SLC41A2: variants seen among roughly 807,000 people sequenced by gnomAD.
The protein encoded by SLC41A2 is SLC41A1-like 1.
A neutral mutation model predicts 58.3 loss-of-function variants in SLC41A2; 32 were observed. That is an observed-to-expected ratio of 0.55 (90% CI 0.41 to 0.74). The LOEUF (loss-of-function observed/expected upper bound fraction) is 0.74, where lower values mean the gene tolerates loss of function less well. SLC41A2 is among the 30% of genes least tolerant of loss of function. The pLI is 0.00. For synonymous variants in SLC41A2, 190 were observed against 235.0 expected (o/e 0.81, Z 1.75); for missense variants, 514 against 680.6 (o/e 0.76, Z 2.72).
chr12:104,951,051 T>C (rs888435987), intron 1 of SLC41A2, among the ~76,000 whole-genome samples: 1 of 152,230 alleles, frequency 6.6e-6, no homozygotes, highest in African/African-American at 2.4e-5. Context: ...TACTTTTTAA[T>C]TTAAAAAGTA....
At chr12:104,895,227 A>AAATCTGTAT in intron 4 of SLC41A2, 47 bp downstream of exon 4, 1 of 1,423,286 alleles carries the variant, frequency 7.0e-7, no homozygotes, top group Non-Finnish European at 9.9e-7. Flanking sequence ...GATTACAGTC[A>AAATCTGTAT]AAATTTGTAC....
intron 2 of SLC41A2, among the ~76,000 whole-genome samples, chr12:104,918,148 A>C (rs898909207): frequency 6.6e-6 from 1 of 151,896 alleles, no homozygotes; most frequent in South Asian, 2.1e-4. Flanking sequence ...TGGAAAATAC[A>C]CTTTTGCTAA....
At chr12:104,807,698 C>A (rs2040975340) in intron 10 of SLC41A2, among the ~76,000 whole-genome samples, 1 of 152,192 alleles carries the variant, frequency 6.6e-6, no homozygotes, top group Non-Finnish European at 1.5e-5. Flanking sequence ...TGCCCATGAG[C>A]ATGGAATGTT....
chr12:104,918,844 A>G (rs1256716314), intron 2 of SLC41A2, among the ~76,000 whole-genome samples: 1 of 152,126 alleles, frequency 6.6e-6, no homozygotes, highest in Non-Finnish European at 1.5e-5. Context: ...TAATACAGAG[A>G]GATCCCATGT....
chr12:104,810,069 G>C (rs1209838110), intron 10 of SLC41A2, among the ~76,000 whole-genome samples: 1 of 152,176 alleles, frequency 6.6e-6, no homozygotes, highest in African/African-American at 2.4e-5. Flanking sequence ...TTTGTCCTGG[G>C]CAAGGAGGGT....
At chr12:104,845,468 C>T (rs2136335107) in intron 9 of SLC41A2, among the ~76,000 whole-genome samples, 1 of 152,216 alleles carries the variant, frequency 6.6e-6, no homozygotes, top group Admixed American at 6.5e-5. Flanking sequence ...TCGAGTTTAT[C>T]CCTTCTCAAC....
At chr12:104,831,165 A>G (rs2042021242) in intron 10 of SLC41A2, among the ~76,000 whole-genome samples, 1 of 152,182 alleles carries the variant, frequency 6.6e-6, no homozygotes, top group African/African-American at 2.4e-5. Flanking sequence ...TCAGCCTCCT[A>G]AAATGCTGAG....
intron 1 of SLC41A2, among the ~76,000 whole-genome samples, chr12:104,950,166 A>C (rs931555974): frequency 6.6e-6 from 1 of 152,166 alleles, no homozygotes; most frequent in African/African-American, 2.4e-5. Flanking sequence ...CATTTATTTT[A>C]ATTTTGAGAC....
intron 6 of SLC41A2, 131 bp downstream of exon 6, chr12:104,886,162 G>T: frequency 1.1e-6 from 1 of 892,866 alleles, no homozygotes; most frequent in Non-Finnish European, 1.6e-6. Flanking sequence ...ACAAATGATA[G>T]TTATCCTAAT....
chr12:104,806,061 TTTTAC>T (rs2040882840), intron 10 of SLC41A2, among the ~76,000 whole-genome samples: 1 of 151,896 alleles, frequency 6.6e-6, no homozygotes, highest in Non-Finnish European at 1.5e-5. Context: ...ATTTATTTAT[TTTTAC>T]TTTATTTTTT....
chr12:104,911,323 C>T (rs1353381571), intron 2 of SLC41A2, among the ~76,000 whole-genome samples: 2 of 152,028 alleles, frequency 1.3e-5, no homozygotes, highest in African/African-American at 2.4e-5. Flanking sequence ...GGTCATGATC[C>T]GTAACTTTGG....
In SLC41A2 at chr12:104,926,390, C is replaced by G. The variant is rs141286106; in HGVS notation, c.555+1583G>C. 2.5e-3 allele frequency among the ~76,000 whole-genome samples: 378 copies of G among 152,172 alleles called. 2 individuals are homozygous for G. The highest frequency in any genetic ancestry group is 3.3e-3 in the Non-Finnish European group (221 of 67,994). On this transcript the variant is annotated intron_variant, in intron 2 of 10. Transcript: ENST00000258538. ...CAGAGGCAGGCGGATCACTTGAGGTCAGGAGATTGAGACCAGCCTAACCAA... is the reference window on the plus strand; with the variant it reads ...CAGAGGCAGGCGGATCACTTGAGGTGAGGAGATTGAGACCAGCCTAACCAA...
intron 1 of SLC41A2, among the ~76,000 whole-genome samples, chr12:104,930,145 A>G (rs1300111031): frequency 6.6e-6 from 1 of 152,144 alleles, no homozygotes; most frequent in Admixed American, 6.5e-5. Flanking sequence ...AGGCCCATAA[A>G]TCTTTTTTAT....
intron 10 of SLC41A2, among the ~76,000 whole-genome samples, chr12:104,813,517 TAAC>T (rs2041263616): frequency 6.6e-6 from 1 of 152,068 alleles, no homozygotes; most frequent in Non-Finnish European, 1.5e-5. Context: ...TAGGGATAAA[TAAC>T]AAAATAAATA....
chr12:104,849,634 C>G (rs2042728240), intron 8 of SLC41A2, among the ~76,000 whole-genome samples: 1 of 152,042 alleles, frequency 6.6e-6, no homozygotes, highest in Non-Finnish European at 1.5e-5. Context: ...TTGAAACCAG[C>G]CTGGGCAATA....
intron 6 of SLC41A2, among the ~76,000 whole-genome samples, chr12:104,877,837 A>G (rs2044129592): frequency 6.6e-6 from 1 of 152,002 alleles, no homozygotes; most frequent in Non-Finnish European, 1.5e-5. Flanking sequence ...CGTCTCTACT[A>G]AAAATACAAA....
intron 4 of SLC41A2, among the ~76,000 whole-genome samples, chr12:104,890,091 A>G (rs2044878070): frequency 1.3e-5 from 2 of 152,162 alleles, no homozygotes; most frequent in South Asian, 4.1e-4. Flanking sequence ...CTCTAGGCAA[A>G]CACAGAGGCA....
rs562128021 is a variant in SLC41A2 at position 104,930,865 on chromosome 12, C to T, written c.-167-2171G>A. Among the ~76,000 whole-genome samples, 3 of 152,350 alleles carry T rather than the reference C, an allele frequency of 2.0e-5. No individual in the cohort carries two copies. The South Asian group carries it at 6.2e-4, about 32-fold the overall frequency. The stretch of plus-strand genomic sequence containing the variant: ...CTCGCAGAATATGTGCAGAACGTGG[C>T]TAAGCACATAGTCAACACTGAACTG... On this transcript the variant is annotated intron_variant, in intron 1 of 10. Coordinates refer to ENST00000258538, the MANE Select transcript of SLC41A2 (RefSeq NM_001352171.3).
chr12:104,918,572 A>G (rs2046435193), intron 2 of SLC41A2, among the ~76,000 whole-genome samples: 1 of 151,512 alleles, frequency 6.6e-6, no homozygotes, highest in Non-Finnish European at 1.5e-5. Context: ...TGTTTTTTAG[A>G]AAATATATAT....
Sources: allele counts gnomAD v4.1 joint callset (sites outside exome capture counted in the v4.1 genomes callset), GRCh38; gene constraint gnomAD v4.1.1; transcripts MANE v1.5; gene names NCBI Gene and HGNC (gene_info 2026-07-23, HGNC 2026-07-21).